BMPER: variants seen among roughly 807,000 people sequenced by gnomAD.
BMPER encodes BMP-binding endothelial regulator protein.
BMPER carries 45 observed loss-of-function variants against 87.3 expected under a neutral mutation model. That is an observed-to-expected ratio of 0.52 (90% CI 0.41 to 0.66). The LOEUF is 0.66. BMPER is among the 30% of genes least tolerant of loss of function. BMPER has a pLI of 0.00. For missense variants in BMPER, 784 were observed against 867.5 expected, an observed-to-expected ratio of 0.90 and a Z score of 1.21; for synonymous variants, 326 against 316.2, an observed-to-expected ratio of 1.03 and a Z score of -0.33.
intron 6 of BMPER, among the ~76,000 whole-genome samples, chr7:34,008,720 A>C (rs1786800232): frequency 6.6e-6 from 1 of 152,014 alleles, no homozygotes; most frequent in South Asian, 2.1e-4. Context: ...CCTAACTTGA[A>C]TGGCAATGTC....
intron 12 of BMPER, among the ~76,000 whole-genome samples, chr7:34,079,807 C>T (rs886073225): frequency 2.0e-5 from 3 of 152,154 alleles, no homozygotes; most frequent in African/African-American, 4.8e-5. Flanking sequence ...TTCTCAGCAG[C>T]GCATGGTGCT....
intron 9 of BMPER, 52 bp downstream of exon 9, chr7:34,055,355 TA>T: frequency 6.2e-7 from 1 of 1,610,356 alleles, no homozygotes; most frequent in African/African-American, 1.3e-5. Flanking sequence ...CGCTGACAAT[TA>T]AAAAGCTCCA....
At chr7:34,010,371 T>C (rs771137668) in intron 6 of BMPER, among the ~76,000 whole-genome samples, 1 of 151,994 alleles carries the variant, frequency 6.6e-6, no homozygotes, top group African/African-American at 2.4e-5. Context: ...GTTTAACTTA[T>C]TAATTTAGTT....
chr7:34,147,578 C>T (rs1791063183), intron 14 of BMPER, among the ~76,000 whole-genome samples: 1 of 151,990 alleles, frequency 6.6e-6, no homozygotes, highest in Non-Finnish European at 1.5e-5. Context: ...TCAAGTGATT[C>T]TCCTGCCTCA....
chr7:34,103,105 A>T (rs1201996350), intron 13 of BMPER, among the ~76,000 whole-genome samples: 1 of 152,214 alleles, frequency 6.6e-6, no homozygotes, highest in Non-Finnish European at 1.5e-5. Context: ...AAGGGCAGAT[A>T]CAAGGCTTTA....
intron 3 of BMPER, among the ~76,000 whole-genome samples, chr7:33,953,034 C>T (rs1476636537): frequency 6.6e-6 from 1 of 152,208 alleles, no homozygotes; most frequent in Non-Finnish European, 1.5e-5. Flanking sequence ...TATCTGCAGA[C>T]ATGCTTGGGC....
chr7:34,087,243 C>A (rs1462842795), intron 13 of BMPER, among the ~76,000 whole-genome samples: 5 of 152,248 alleles, frequency 3.3e-5, no homozygotes, highest in Admixed American at 3.3e-4. Context: ...AACTTGAATT[C>A]TCTGGGTTCC....
intron 13 of BMPER, among the ~76,000 whole-genome samples, chr7:34,115,222 A>G (rs10486629): frequency 0.024 from 3,595 of 152,310 alleles, 130 homozygotes; most frequent in African/African-American, 0.081. Flanking sequence ...GTACAGATAA[A>G]CTAGTGCAAA....
intron 3 of BMPER, among the ~76,000 whole-genome samples, chr7:33,961,156 C>T (rs1377194657): frequency 1.3e-5 from 2 of 152,124 alleles, no homozygotes; most frequent in Non-Finnish European, 2.9e-5. Flanking sequence ...TTGGAGAATT[C>T]TAAGTACAGC....
At chr7:34,138,671 G>A (rs12673452) in intron 13 of BMPER, among the ~76,000 whole-genome samples, 6,222 of 152,208 alleles carry the variant, frequency 0.041, 273 homozygotes, top group African/African-American at 0.11. Flanking sequence ...GATTGCAGGG[G>A]CCTGATTCCT....
intron 6 of BMPER, among the ~76,000 whole-genome samples, chr7:34,044,094 C>A (rs927506530): frequency 6.6e-6 from 1 of 152,084 alleles, no homozygotes; most frequent in African/African-American, 2.4e-5. Context: ...ATACTGCAAA[C>A]CAAACAAAAT....
intron 2 of BMPER, chr7:33,921,826 G>A: frequency 4.2e-6 from 2 of 470,940 alleles, no homozygotes; most frequent in Non-Finnish European, 8.8e-6. Context: ...AGGGTTTTAT[G>A]ACTGACCTAG....
At chr7:34,071,512 G>A (rs539483789) in intron 11 of BMPER, among the ~76,000 whole-genome samples, 1 of 152,214 alleles carries the variant, frequency 6.6e-6, no homozygotes, top group Non-Finnish European at 1.5e-5. Context: ...AGGCTTTAAA[G>A]CTGGAAGCCA....
At chr7:34,011,583 C>CAAAAAAAAAAAAAAAAAAAA (rs36022297) in intron 6 of BMPER, among the ~76,000 whole-genome samples, 19 of 45,744 alleles carry the variant, frequency 4.2e-4, no homozygotes, top group East Asian at 1.5e-3. Context: ...TTGGTCAGGG[C>CAAAAAAAAAAAAAAAAAAAA]AAAAAAAAAA....
intron 2 of BMPER, among the ~76,000 whole-genome samples, chr7:33,935,561 T>C (rs1784582769): frequency 1.3e-5 from 2 of 150,208 alleles, no homozygotes; most frequent in South Asian, 4.2e-4. Context: ...ACTTACCATA[T>C]AACAGATCCC....
intron 2 of BMPER, among the ~76,000 whole-genome samples, chr7:33,924,313 A>G (rs759359592): frequency 2.0e-5 from 3 of 152,264 alleles, no homozygotes; most frequent in Non-Finnish European, 2.9e-5. Context: ...TCAACCAGTG[A>G]CCATTTGAAA....
At chr7:33,971,751 C>T (rs1785552840) in intron 5 of BMPER, among the ~76,000 whole-genome samples, 1 of 152,194 alleles carries the variant, frequency 6.6e-6, no homozygotes, top group Non-Finnish European at 1.5e-5. Context: ...CTCTGAGGAA[C>T]ACTCGGGTCT....
intron 13 of BMPER, among the ~76,000 whole-genome samples, chr7:34,106,239 G>A (rs1353496254): frequency 6.6e-6 from 1 of 152,108 alleles, no homozygotes; most frequent in Non-Finnish European, 1.5e-5. Context: ...AACCTTATAG[G>A]CATAATTAGG....
intron 13 of BMPER, among the ~76,000 whole-genome samples, chr7:34,103,865 G>A (rs1286365970): frequency 6.6e-6 from 1 of 152,196 alleles, no homozygotes; most frequent in Non-Finnish European, 1.5e-5. Context: ...CCCTGGAGGT[G>A]CAAGGGCCAC....
Sources: allele counts gnomAD v4.1 joint callset (sites outside exome capture counted in the v4.1 genomes callset), GRCh38; gene constraint gnomAD v4.1.1; transcripts MANE v1.5; gene names NCBI Gene and HGNC (gene_info 2026-07-23, HGNC 2026-07-21).